SHF: variants seen among roughly 807,000 people sequenced by gnomAD.
SHF encodes the protein Src homology 2 domain containing F.
A neutral mutation model predicts 42.4 loss-of-function variants in SHF; 30 were observed. The observed-to-expected ratio is 0.71, with a 90% CI of 0.53 to 0.96. The LOEUF is 0.96. Ranked by LOEUF, SHF falls within the 40% of genes least tolerant of loss-of-function variation. SHF has a pLI of 0.00. For synonymous variants in SHF, 264 were observed against 269.9 expected (o/e 0.98, Z 0.21); for missense variants, 598 against 634.0 (o/e 0.94, Z 0.61).
upstream of SHF, among the ~76,000 whole-genome samples, chr15:45,191,604 G>A (rs941333463): frequency 2.6e-5 from 4 of 152,308 alleles, no homozygotes; most frequent in Middle Eastern, 3.4e-3. Context: ...TTTAACAAAC[G>A]TTGAAATGGA....
chr15:45,198,059 A>C (rs1898921765), intron 2 of SHF, among the ~76,000 whole-genome samples: 1 of 152,142 alleles, frequency 6.6e-6, no homozygotes, highest in Non-Finnish European at 1.5e-5. Context: ...ATTTAAAAAT[A>C]AATGACCCAG....
intron 6 of SHF, 36 bp from the exon 7 acceptor site, chr15:45,168,169 C>G (rs1258375248): frequency 1.3e-6 from 2 of 1,529,454 alleles, no homozygotes; most frequent in Non-Finnish European, 1.8e-6. Flanking sequence ...TGAGTGGGGG[C>G]TCTCCTCAGC....
chr15:45,195,976 C>T (rs1476128834), intron 2 of SHF, among the ~76,000 whole-genome samples: 2 of 152,052 alleles, frequency 1.3e-5, no homozygotes, highest in East Asian at 3.8e-4. Flanking sequence ...TCCATTTGGG[C>T]CAAGTTTTGT....
intron 1 of SHF, chr15:45,200,267 T>C (rs1899030875): frequency 1.2e-5 from 2 of 164,746 alleles, no homozygotes; most frequent in Admixed American, 1.1e-4. Flanking sequence ...CTTTCCAAAG[T>C]CCAATTTAGC....
At chr15:45,183,030 C>A (rs975690956) in intron 1 of SHF, among the ~76,000 whole-genome samples, 4 of 152,208 alleles carry the variant, frequency 2.6e-5, no homozygotes, top group Non-Finnish European at 5.9e-5. Context: ...GATTGGGTAG[C>A]AAGTGGTGGT....
intron 1 of SHF, chr15:45,200,559 T>C: frequency 2.7e-6 from 1 of 367,240 alleles, no homozygotes; most frequent in African/African-American, 2.1e-5. Context: ...CCTTGCAATG[T>C]CATTGATTTG....
intron 1 of SHF, chr15:45,199,214 C>T: frequency 1.0e-6 from 1 of 1,003,300 alleles, no homozygotes; most frequent in Non-Finnish European, 1.4e-6. Context: ...ACTCCCCTGA[C>T]AGCCCTGACT....
chr15:45,175,103 C>T, intron 3 of SHF, 116 bp downstream of exon 3: 1 of 1,148,492 alleles, frequency 8.7e-7, no homozygotes, highest in Non-Finnish European at 1.2e-6. Context: ...ACTACATTTC[C>T]CTGGAGTCCT....
rs181401873 is a variant in SHF, at chr15:45,186,238, T to C, written c.498+1216A>G. Among the ~76,000 whole-genome samples the C allele has an allele frequency of 1.5e-3, 228 of 152,368 alleles. 1 individual carries two copies. The highest frequency in any genetic ancestry group is 5.3e-3 in the African/African-American group (221 of 41,600). On this transcript the variant is annotated intron_variant, in intron 1 of 6. Transcript: ENST00000690270. ...GCCCAGGATGGGCAGCCATGCCCCA[T>C]GGCAAAAACTAGGGGAAAAATAATT...
At chr15:45,192,516 C>CG (rs1555427570), upstream of SHF, among the ~76,000 whole-genome samples, 3 of 151,860 alleles carry the variant, frequency 2.0e-5, no homozygotes, top group Non-Finnish European at 4.4e-5. Flanking sequence ...TACAGGCACC[C>CG]GCCACCATGC....
chr15:45,200,587 C>A, intron 1 of SHF: 1 of 387,732 alleles, frequency 2.6e-6, no homozygotes. Context: ...TTGTTCTAGC[C>A]TATCTCCACC....
intron 2 of SHF, among the ~76,000 whole-genome samples, chr15:45,176,839 T>C (rs955852917): frequency 6.6e-5 from 10 of 152,248 alleles, no homozygotes; most frequent in African/African-American, 2.2e-4. Context: ...CCACACCCTC[T>C]GACCTAAATG....
chr15:45,173,427 A>G (rs1461354987), intron 4 of SHF, 149 bp downstream of exon 4: 1 of 1,215,102 alleles, frequency 8.2e-7, no homozygotes, highest in Non-Finnish European at 1.1e-6. Context: ...GGAAGGGAGG[A>G]ACGTGCATTT....
At chr15:45,195,728 A>G (rs1898843091) in intron 2 of SHF, among the ~76,000 whole-genome samples, 1 of 152,052 alleles carries the variant, frequency 6.6e-6, no homozygotes, top group Admixed American at 6.5e-5. Flanking sequence ...CTTAGCCCTC[A>G]CTTTTCTCAC....
chr15:45,167,622 G>A lies in SHF; in HGVS notation c.*325C>T, dbSNP rs912664647. ...GTGGGGAGAGGGTGGTGGTGGTGGA[G>A]GTCACCACCTCTGCCCTAAGGTCGG... is the stretch of plus-strand genomic sequence containing the variant. On this transcript the variant is annotated 3_prime_UTR_variant, in exon 7 of 7. Transcript: ENST00000690270. 1.9e-5 allele frequency: 4 copies of A among 205,940 alleles called. No homozygotes were observed. The highest frequency in any genetic ancestry group is 3.8e-5 in the Non-Finnish European group (4 of 104,060). The allele number at this position is 205,940 out of a possible 1,614,324, so 12.8% of individuals were successfully genotyped here. A position where few individuals can be genotyped will look rare whatever the true frequency, so the allele number is the denominator to read the frequency against.
At chr15:45,178,787 C>T (rs1374378148) in intron 1 of SHF, among the ~76,000 whole-genome samples, 1 of 152,176 alleles carries the variant, frequency 6.6e-6, no homozygotes, top group Non-Finnish European at 1.5e-5. Context: ...CCCGCCTTGG[C>T]CTCCCAAAGT....
At chr15:45,193,091 T>G (rs1224330098) in intron 2 of SHF, among the ~76,000 whole-genome samples, 3 of 152,240 alleles carry the variant, frequency 2.0e-5, no homozygotes, top group Non-Finnish European at 4.4e-5. Flanking sequence ...AAGCAACATA[T>G]TACCCCATTG....
Position 45,187,581 on chromosome 15 carries a change from G to T in SHF, c.371C>A (p.Ala124Asp). 8.1e-7 allele frequency: 1 copy of T among 1,230,308 alleles called. No homozygotes were observed. The allele number at this position is 1,230,308 out of a possible 1,614,324, so 76.2% of individuals were successfully genotyped here. A position where few individuals can be genotyped will look rare whatever the true frequency, so the allele number is the denominator to read the frequency against. Residue 124 changes from alanine to aspartate, a missense_variant, in exon 1 of 7, where the codon GCC becomes GAC. By Grantham distance (126) the Ala-to-Asp change is moderately radical. Transcript: ENST00000690270. The part of the protein sequence containing the change: ...SGSAALATPV[A>D]PGPTPPPRHG... ...GCGCGGGGGCGGCGTGGGTCCGGGG[G>T]CGACAGGGGTGGCGAGGGCGGCGGA...
At chr15:45,189,233 A>T (rs1045114920), upstream of SHF, among the ~76,000 whole-genome samples, 5 of 151,150 alleles carry the variant, frequency 3.3e-5, no homozygotes, top group Non-Finnish European at 7.4e-5. Flanking sequence ...AAAAGGAAAG[A>T]AATAAAGCCA....
Sources: allele counts gnomAD v4.1 joint callset (sites outside exome capture counted in the v4.1 genomes callset), GRCh38; gene constraint gnomAD v4.1.1; transcripts MANE v1.5; gene names NCBI Gene and HGNC (gene_info 2026-07-23, HGNC 2026-07-21).